Variants in TRAPPC9 observed in about 807,000 individuals in gnomAD.
TRAPPC9 encodes the protein trafficking protein particle complex subunit 9.
TRAPPC9 carries 83 observed loss-of-function variants against 124.0 expected under a neutral mutation model. That is an observed-to-expected ratio of 0.67 (90% CI 0.56 to 0.80). The LOEUF (loss-of-function observed/expected upper bound fraction) is 0.80. Ranked by LOEUF, TRAPPC9 falls within the 30% of genes least tolerant of loss-of-function variation. The pLI is 0.00. For missense variants in TRAPPC9, 1,302 were observed against 1,508.3 expected (o/e 0.86, Z 2.27); for synonymous variants, 638 against 617.5 (o/e 1.03, Z -0.49).
intron 15 of TRAPPC9, among the ~76,000 whole-genome samples, chr8:140,256,251 G>A (rs886468414): frequency 6.6e-6 from 1 of 152,184 alleles, no homozygotes; most frequent in African/African-American, 2.4e-5. Flanking sequence ...TTATCCTTTA[G>A]ACGGTAAGTC....
intron 2 of TRAPPC9, among the ~76,000 whole-genome samples, chr8:140,446,201 G>A (rs2071247659): frequency 6.7e-6 from 1 of 148,268 alleles, no homozygotes; most frequent in Admixed American, 7.0e-5. Context: ...GGCTGAAGCA[G>A]GAGAATTGCT....
intron 18 of TRAPPC9, among the ~76,000 whole-genome samples, chr8:139,995,566 G>A (rs1277303163): frequency 6.6e-6 from 1 of 152,110 alleles, no homozygotes; most frequent in Non-Finnish European, 1.5e-5. Flanking sequence ...ACACACAGAG[G>A]GGGAAGCTCA....
At chr8:140,180,773 T>G (rs1037021722) in intron 17 of TRAPPC9, among the ~76,000 whole-genome samples, 2 of 152,096 alleles carry the variant, frequency 1.3e-5, no homozygotes, top group African/African-American at 4.8e-5. Context: ...ATCATCAGTT[T>G]TGTTCCCATG....
chr8:139,975,947 T>G (rs1184161239), intron 19 of TRAPPC9, among the ~76,000 whole-genome samples: 1 of 149,848 alleles, frequency 6.7e-6, no homozygotes, highest in African/African-American at 2.5e-5. Flanking sequence ...TTTTTTTTTT[T>G]TTTGAGATGG....
chr8:139,886,938 A>G (rs1830051170), intron 20 of TRAPPC9, among the ~76,000 whole-genome samples: 1 of 152,182 alleles, frequency 6.6e-6, no homozygotes, highest in African/African-American at 2.4e-5. Flanking sequence ...GCAGAGGCTG[A>G]GCATTGCGAG....
intron 20 of TRAPPC9, among the ~76,000 whole-genome samples, chr8:139,891,463 G>A (rs972954213): frequency 6.6e-6 from 1 of 152,328 alleles, no homozygotes; most frequent in East Asian, 1.9e-4. Context: ...GCAATCCCAG[G>A]GCTATGTGGT....
chr8:140,448,847 G>A lies in TRAPPC9; in HGVS notation c.584+1943C>T, dbSNP rs73358325. 4.4e-3 allele frequency among the ~76,000 whole-genome samples: 677 copies of A among 152,300 alleles called. 6 individuals are homozygous for A. Among genetic ancestry groups the A allele is most frequent in the African/African-American group, 0.015 (643 of 41,574 alleles). ...GCCCCGGGCCTCAGAGACAGACCTG[G>A]TGCTTATATCAGCTCTGCTGCTTGG... On this transcript the variant is annotated intron_variant, in intron 2 of 22. Coordinates refer to ENST00000438773, the MANE Select transcript of TRAPPC9 (RefSeq NM_001160372.4).
At chr8:140,280,458 G>A (rs7003698) in intron 14 of TRAPPC9, among the ~76,000 whole-genome samples, 48,547 of 151,748 alleles carry the variant, frequency 0.32, 8,409 homozygotes, top group African/African-American at 0.43. Flanking sequence ...ACAAAGTCTC[G>A]CTCTTTGTCC....
chr8:140,127,860 G>A (rs1354497445), intron 17 of TRAPPC9, among the ~76,000 whole-genome samples: 2 of 152,186 alleles, frequency 1.3e-5, no homozygotes, highest in African/African-American at 4.8e-5. Context: ...TGCCAAAAAT[G>A]AGTCCCCAAG....
At chr8:140,126,448 A>G (rs2061099820) in intron 17 of TRAPPC9, among the ~76,000 whole-genome samples, 1 of 152,166 alleles carries the variant, frequency 6.6e-6, no homozygotes, top group Admixed American at 6.5e-5. Flanking sequence ...ACGTCGGTGG[A>G]AGGGAATTCG....
intron 21 of TRAPPC9, among the ~76,000 whole-genome samples, chr8:139,778,074 A>C (rs545300252): frequency 6.6e-6 from 1 of 152,308 alleles, no homozygotes; most frequent in East Asian, 1.9e-4. Context: ...AAAGTACCCA[A>C]GGCTAAGGGC....
At chr8:140,377,771 TCCG>T (rs2068486063) in intron 7 of TRAPPC9, among the ~76,000 whole-genome samples, 1 of 152,112 alleles carries the variant, frequency 6.6e-6, no homozygotes, top group Non-Finnish European at 1.5e-5. Flanking sequence ...ACTAATGCCT[TCCG>T]CACTACACTA....
chr8:140,431,317 C>T (rs375923814), intron 4 of TRAPPC9, among the ~76,000 whole-genome samples: 1 of 151,768 alleles, frequency 6.6e-6, no homozygotes, highest in Non-Finnish European at 1.5e-5. Context: ...ACTAGCCGGG[C>T]GTAGTGGTGG....
intron 21 of TRAPPC9, among the ~76,000 whole-genome samples, chr8:139,804,681 C>CT (rs1823900950): frequency 7.4e-6 from 1 of 135,918 alleles, no homozygotes; most frequent in Non-Finnish European, 1.6e-5. Flanking sequence ...ACCACCACCA[C>CT]ACACAACCAC....
At position 140,450,886 on chromosome 8, in the gene TRAPPC9, C is replaced by A; in HGVS notation, c.488G>T (p.Arg163Leu). The change falls in exon 2 of 23, where the codon CGT becomes CTT. Residue 163 changes from arginine to leucine, a missense_variant. By Grantham distance (102) the Arg-to-Leu change is moderately radical. This residue lies in a region of TRAPPC9 where 657 missense variants were observed against 811.2 expected (regional missense o/e 0.81). Coordinates refer to ENST00000438773, the MANE Select transcript of TRAPPC9 (RefSeq NM_001160372.4). ...AGACTTGTCTGTGGCTCTGTCCAGACGCTTGGACTCCAGCACGATGAACAG... is the reference window on the plus strand; with the variant it reads ...AGACTTGTCTGTGGCTCTGTCCAGAAGCTTGGACTCCAGCACGATGAACAG... ...ESLFIVLESK[R>L]LDRATDKSGD... The A allele has an allele frequency of 1.2e-6, 2 of 1,614,052 alleles. No individual in the cohort carries two copies. Among genetic ancestry groups the A allele is most frequent in the Non-Finnish European group, 1.7e-6 (2 of 1,180,008 alleles).
rs146445011 is a variant in TRAPPC9 at position 140,335,571 on chromosome 8, T to C, written c.1496-24197A>G. On this transcript the variant is annotated intron_variant, in intron 9 of 22. Coordinates refer to ENST00000438773, the MANE Select transcript of TRAPPC9 (RefSeq NM_001160372.4). ...TCCTATGAGACATTCAGGAGACAAA[T>C]CCAGCCTTCATTGGGAAACTGAAGT... Among the ~76,000 whole-genome samples the C allele has an allele frequency of 1.2e-3, 177 of 152,118 alleles. 1 individual carries two copies. The highest frequency in any genetic ancestry group is 1.9e-3 in the Non-Finnish European group (129 of 67,998).
chr8:139,863,801 G>A (rs1453945338), intron 21 of TRAPPC9, among the ~76,000 whole-genome samples: 1 of 152,226 alleles, frequency 6.6e-6, no homozygotes, highest in Non-Finnish European at 1.5e-5. Context: ...GCTTGAAGCT[G>A]CAGCTAAAAA....
At chr8:140,190,734 T>C (rs550079238) in intron 17 of TRAPPC9, among the ~76,000 whole-genome samples, 75 of 152,366 alleles carry the variant, frequency 4.9e-4, no homozygotes, top group African/African-American at 1.7e-3. Context: ...TTCCTCACTC[T>C]AGAAAGTTGC....
chr8:139,762,924 G>A (rs1820337261), intron 21 of TRAPPC9, among the ~76,000 whole-genome samples: 1 of 152,218 alleles, frequency 6.6e-6, no homozygotes, highest in Admixed American at 6.5e-5. Context: ...GAGCAGCGCA[G>A]TCCAGGGCAG....
Sources: allele counts gnomAD v4.1 joint callset (sites outside exome capture counted in the v4.1 genomes callset), GRCh38; gene constraint gnomAD v4.1.1; regional missense constraint gnomAD v4.1.1; transcripts MANE v1.5; gene names NCBI Gene and HGNC (gene_info 2026-07-23, HGNC 2026-07-21).